The following FAM13A variants were observed in gnomAD, a reference collection of about 807,000 sequenced individuals.
FAM13A encodes the protein protein FAM13A.
A neutral mutation model predicts 129.6 loss-of-function variants in FAM13A; 76 were observed. The ratio of observed to expected loss-of-function variants is 0.59; its 90% CI spans 0.49 to 0.71. The LOEUF (loss-of-function observed/expected upper bound fraction) is 0.71, where lower values mean the gene tolerates loss of function less well. Ranked by LOEUF, FAM13A falls within the 30% of genes least tolerant of loss-of-function variation. The probability of loss-of-function intolerance (pLI) is 0.00; values close to 1 mark genes in which losing one functional copy is unlikely to be tolerated. For missense variants in FAM13A, 1,108 were observed against 1,249.3 expected, an observed-to-expected ratio of 0.89 and a Z score of 1.70; for synonymous variants, 443 against 449.9, an observed-to-expected ratio of 0.98 and a Z score of 0.20.
intron 6 of FAM13A, among the ~76,000 whole-genome samples, chr4:88,880,924 A>C (rs1366576013): frequency 6.6e-6 from 1 of 151,972 alleles, no homozygotes; most frequent in East Asian, 1.9e-4. Flanking sequence ...TCCCCTAGGA[A>C]CATAACTCCA....
chr4:88,946,546 A>G (rs1482689008), intron 4 of FAM13A, among the ~76,000 whole-genome samples: 1 of 151,668 alleles, frequency 6.6e-6, no homozygotes, highest in Non-Finnish European at 1.5e-5. Flanking sequence ...TTGAAAATGT[A>G]GTAACAGAAA....
At chr4:89,020,855 C>T (rs532159687) in intron 2 of FAM13A, among the ~76,000 whole-genome samples, 186 bp from the exon 3 acceptor site, 1 of 152,246 alleles carries the variant, frequency 6.6e-6, no homozygotes, top group Non-Finnish European at 1.5e-5. Flanking sequence ...ATATCCACTG[C>T]ATGTCAGCTT....
At chr4:88,823,038 C>T in intron 7 of FAM13A, 1 of 1,613,106 alleles carries the variant, frequency 6.2e-7, no homozygotes, top group Non-Finnish European at 8.5e-7. Context: ...AATCTCACAA[C>T]TGTCTCTTCC....
At chr4:88,862,542 A>C (rs1739663509) in intron 6 of FAM13A, among the ~76,000 whole-genome samples, 1 of 152,230 alleles carries the variant, frequency 6.6e-6, no homozygotes, top group Non-Finnish European at 1.5e-5. Context: ...TATTATGTCC[A>C]TGATGTGGAG....
chr4:88,898,819 G>C (rs1746775851), intron 6 of FAM13A, among the ~76,000 whole-genome samples: 1 of 152,062 alleles, frequency 6.6e-6, no homozygotes, highest in Admixed American at 6.6e-5. Flanking sequence ...TACACCACTG[G>C]TGGGAACGTA....
At chr4:88,759,927 TA>T (rs1167865092) in intron 13 of FAM13A, among the ~76,000 whole-genome samples, 1 of 152,234 alleles carries the variant, frequency 6.6e-6, no homozygotes, top group East Asian at 1.9e-4. Context: ...CTCACACAAT[TA>T]TAAACAAAAG....
intron 5 of FAM13A, among the ~76,000 whole-genome samples, chr4:88,915,667 TC>T (rs1749996701): frequency 2.0e-5 from 3 of 152,132 alleles, no homozygotes; most frequent in Non-Finnish European, 4.4e-5. Flanking sequence ...AAATCAAACT[TC>T]ATTGTCAAGT....
intron 8 of FAM13A, among the ~76,000 whole-genome samples, chr4:88,799,316 CTAT>C (rs1245704473): frequency 1.3e-5 from 2 of 152,108 alleles, no homozygotes; most frequent in African/African-American, 4.8e-5. Context: ...TAAAGGATGG[CTAT>C]TATTAGAAAA....
At chr4:88,763,487 C>G (rs1194550884) in intron 13 of FAM13A, among the ~76,000 whole-genome samples, 2 of 152,182 alleles carry the variant, frequency 1.3e-5, no homozygotes. Flanking sequence ...GCTCATCTCT[C>G]CCGGGCCCTC....
intron 1 of FAM13A, among the ~76,000 whole-genome samples, chr4:89,035,120 G>A (rs530226242): frequency 2.5e-4 from 38 of 152,232 alleles, no homozygotes; most frequent in Non-Finnish European, 4.3e-4. Flanking sequence ...AACTAATGCA[G>A]AAACAGAAAA....
intron 6 of FAM13A, among the ~76,000 whole-genome samples, chr4:88,859,349 G>T (rs115979762): frequency 1.4e-3 from 211 of 152,234 alleles, no homozygotes; most frequent in African/African-American, 4.8e-3. Context: ...GGGTGAGAGG[G>T]GATGGAATCA....
intron 6 of FAM13A, among the ~76,000 whole-genome samples, chr4:88,858,254 C>T (rs1039819676): frequency 6.6e-6 from 1 of 152,146 alleles, no homozygotes; most frequent in African/African-American, 2.4e-5. Flanking sequence ...TCTTATTAAT[C>T]TCGACACAGT....
intron 8 of FAM13A, among the ~76,000 whole-genome samples, chr4:88,797,060 T>C (rs1726335104): frequency 1.3e-5 from 2 of 152,052 alleles, no homozygotes; most frequent in African/African-American, 2.4e-5. Context: ...ACAAGAAAAT[T>C]ATAGTTTCAT....
intron 6 of FAM13A, among the ~76,000 whole-genome samples, chr4:88,890,347 T>G (rs891547827): frequency 6.6e-6 from 1 of 152,188 alleles, no homozygotes; most frequent in Non-Finnish European, 1.5e-5. Context: ...GGAAGCTGGA[T>G]CCTCCGAACC....
At chr4:88,843,722 G>T (rs1036743925) in intron 7 of FAM13A, among the ~76,000 whole-genome samples, 2 of 152,210 alleles carry the variant, frequency 1.3e-5, no homozygotes, top group Non-Finnish European at 2.9e-5. Flanking sequence ...AAATTATAAA[G>T]TGTTCTTTGA....
In FAM13A at chr4:88,739,044, T is replaced by C. The variant is rs1426541587; in HGVS notation, c.2548A>G (p.Thr850Ala). Reference protein sequence around the residue: ...LVKQILSRANTIPIIGSPSSK... With the variant: ...LVKQILSRANAIPIIGSPSSK... ...ATTCTACTCACAATGATGGGTATGG[T>C]GTTAGCTCGGGAGAGGATCTGTTTG... Residue 850 changes from threonine to alanine, a missense_variant, in exon 20 of 24, where the codon ACC becomes GCC. Around this residue, in one of 3 missense-constraint regions of FAM13A, gnomAD observed 529 missense variants for 621.2 expected, o/e 0.85. Transcript: ENST00000264344. 3 of 1,611,546 alleles carry C rather than the reference T, an allele frequency of 1.9e-6. No homozygotes were observed. Among genetic ancestry groups the C allele is most frequent in the East Asian group, 2.2e-5 (1 of 44,854 alleles).
chr4:89,024,083 T>C lies in FAM13A; in HGVS notation c.218-3414A>G, dbSNP rs75931823. 6.4e-3 allele frequency among the ~76,000 whole-genome samples: 969 copies of C among 152,332 alleles called. 13 individuals carry two copies. The highest frequency in any genetic ancestry group is 0.022 in the African/African-American group (923 of 41,584). On this transcript the variant is annotated intron_variant, in intron 2 of 23. Transcript: ENST00000264344. ...ATGAAGAAAAAATTATATAAGCTAA[T>C]GTCTACATCACTGAAAGATACTTTT... is the stretch of plus-strand genomic sequence containing the variant.
intron 14 of FAM13A, among the ~76,000 whole-genome samples, chr4:88,757,660 G>C (rs894345414): frequency 7.9e-5 from 12 of 152,090 alleles, no homozygotes; most frequent in Admixed American, 3.9e-4. Flanking sequence ...AAAATAACTA[G>C]AACAGGTTTC....
chr4:88,893,038 A>G (rs887510993), intron 6 of FAM13A, among the ~76,000 whole-genome samples: 2 of 152,222 alleles, frequency 1.3e-5, no homozygotes, highest in African/African-American at 4.8e-5. Context: ...GTGATAATCC[A>G]ATAGTAAAAC....
Sources: allele counts gnomAD v4.1 joint callset (sites outside exome capture counted in the v4.1 genomes callset), GRCh38; gene constraint gnomAD v4.1.1; regional missense constraint gnomAD v4.1.1; transcripts MANE v1.5; gene names NCBI Gene and HGNC (gene_info 2026-07-23, HGNC 2026-07-21).